The following FHOD3 variants were observed in gnomAD, a reference collection of about 807,000 sequenced individuals.
FHOD3 encodes the protein FH1/FH2 domain-containing protein 3.
A neutral mutation model predicts 173.0 loss-of-function variants in FHOD3; 90 were observed. The ratio of observed to expected loss-of-function variants is 0.52; its 90% CI spans 0.44 to 0.62. The LOEUF (loss-of-function observed/expected upper bound fraction) is 0.62. Ranked by LOEUF, FHOD3 falls within the 20% of genes least tolerant of loss-of-function variation. The probability of loss-of-function intolerance (pLI) is 0.00; values close to 1 mark genes in which losing one functional copy is unlikely to be tolerated. For synonymous variants in FHOD3, 828 were observed against 823.0 expected (o/e 1.01, Z -0.10); for missense variants, 1,945 against 2,034.7 (o/e 0.96, Z 0.85).
chr18:36,649,211 T>G, intron 10 of FHOD3, 105 bp from the exon 11 acceptor site: 10 of 662,284 alleles, frequency 1.5e-5, no homozygotes, highest in Non-Finnish European at 2.0e-5. Flanking sequence ...TATTTCGTTG[T>G]TGTTGTTGTT....
chr18:36,643,578 T>C lies in FHOD3; in HGVS notation c.1197-5738T>C, dbSNP rs533202168. On this transcript the variant is annotated intron_variant, in intron 10 of 28. Transcript: ENST00000590592. ...AACCTATATATCCTCGTATCAACAA[T>C]ATATGAATTAGTTGACTTGCATTCT... is the stretch of plus-strand genomic sequence containing the variant. Among the ~76,000 whole-genome samples, 16 of 152,348 alleles carry C rather than the reference T, an allele frequency of 1.1e-4. No homozygotes were observed. In the East Asian group the frequency reaches 2.5e-3, roughly 24 times the overall value.
At position 36,413,607 on chromosome 18, in the gene FHOD3, C is replaced by T. The variant is rs772458583; in HGVS notation, c.337+40863C>T. ...CTATTTATCAAGCACAGCTGCACCC[C>T]TCATGTTAGGCAGCCTGGATTTATG... On this transcript the variant is annotated intron_variant, in intron 3 of 28. Transcript: ENST00000590592. Among the ~76,000 whole-genome samples, 4 of 152,282 alleles carry T rather than the reference C, an allele frequency of 2.6e-5. No homozygotes were observed. In the South Asian group the frequency reaches 8.3e-4, roughly 32 times the overall value.
At position 36,389,920 on chromosome 18, in the gene FHOD3, C is replaced by T. The variant is rs575385328; in HGVS notation, c.337+17176C>T. The stretch of plus-strand genomic sequence containing the variant: ...CAAGGTCACCTGCCCCTGTGGTAGG[C>T]CAGTGGCCATTCTTAGAACTGCCTG... On this transcript the variant is annotated intron_variant, in intron 3 of 28. Coordinates refer to ENST00000590592, the MANE Select transcript of FHOD3 (RefSeq NM_001281740.3). Among the ~76,000 whole-genome samples, 35 of 152,298 alleles carry T rather than the reference C, an allele frequency of 2.3e-4. No homozygotes were observed. The South Asian group carries it at 5.8e-3, about 25-fold the overall frequency.
chr18:36,530,165 C>T (rs2146829307), intron 5 of FHOD3, among the ~76,000 whole-genome samples: 1 of 152,318 alleles, frequency 6.6e-6, no homozygotes, highest in South Asian at 2.1e-4. Context: ...ACATATCAGA[C>T]TTAGAAAACG....
chr18:36,638,475 A>G (rs1028577438), intron 10 of FHOD3, among the ~76,000 whole-genome samples: 3 of 152,164 alleles, frequency 2.0e-5, no homozygotes, highest in African/African-American at 7.2e-5. Flanking sequence ...TCAGTTGTGC[A>G]CATTTGAAAA....
chr18:36,742,476 G>A (rs919873770), intron 21 of FHOD3, among the ~76,000 whole-genome samples: 3 of 152,130 alleles, frequency 2.0e-5, no homozygotes, highest in Admixed American at 6.5e-5. Flanking sequence ...AGAGTAAGAG[G>A]AGGGCATTCC....
intron 1 of FHOD3, among the ~76,000 whole-genome samples, chr18:36,355,287 G>A (rs1164154292): frequency 1.3e-5 from 2 of 152,070 alleles, no homozygotes; most frequent in East Asian, 3.9e-4. Flanking sequence ...GTGCCCAAAG[G>A]GCTCCTTCAG....
chr18:36,605,361 T>C (rs889984039), intron 8 of FHOD3, among the ~76,000 whole-genome samples: 2 of 152,222 alleles, frequency 1.3e-5, no homozygotes, highest in Non-Finnish European at 2.9e-5. Flanking sequence ...TTGTTGCTAA[T>C]CACTGGCAGA....
chr18:36,562,317 A>G (rs1461226014), intron 5 of FHOD3, among the ~76,000 whole-genome samples: 2 of 152,160 alleles, frequency 1.3e-5, no homozygotes, highest in Admixed American at 1.3e-4. Flanking sequence ...GCACCCGGCC[A>G]TGACAACTAC....
chr18:36,380,578 T>TTTTCCTTTCCTTTCCTTTCCTTTCC lies in FHOD3; in HGVS notation c.337+7874_337+7898dup, dbSNP rs71381571. On this transcript the variant is annotated intron_variant, in intron 3 of 28. Coordinates refer to ENST00000590592, the MANE Select transcript of FHOD3 (RefSeq NM_001281740.3). ...TTTTCTTTTCTTTTCTTTTCTTTTC[T>TTTTCCTTTCCTTTCCTTTCCTTTCC]TTTCCTTTCCTTTCCTTTCCTTTCC... Among the ~76,000 whole-genome samples the TTTTCCTTTCCTTTCCTTTCCTTTCC allele has an allele frequency of 6.7e-4, 35 of 52,448 alleles. 1 individual carries two copies. The highest frequency in any genetic ancestry group is 1.8e-3 in the African/African-American group (22 of 12,300). The allele number at this position is 52,448 out of a possible 152,430, so 34.4% of individuals were successfully genotyped here.
At chr18:36,550,745 T>C (rs1255377877) in intron 5 of FHOD3, among the ~76,000 whole-genome samples, 2 of 152,200 alleles carry the variant, frequency 1.3e-5, no homozygotes, top group Non-Finnish European at 2.9e-5. Context: ...TTTTTAGACA[T>C]ACAACTTAAT....
At chr18:36,471,957 G>A (rs2053310787) in intron 3 of FHOD3, among the ~76,000 whole-genome samples, 1 of 152,122 alleles carries the variant, frequency 6.6e-6, no homozygotes. Context: ...AGAACCAATT[G>A]TTATTTCCAA....
intron 3 of FHOD3, among the ~76,000 whole-genome samples, chr18:36,404,629 G>A (rs2048974527): frequency 6.6e-6 from 1 of 152,130 alleles, no homozygotes; most frequent in Admixed American, 6.5e-5. Flanking sequence ...CTGAATTTCT[G>A]ACAAGCCCCT....
Position 36,439,098 on chromosome 18 carries a change from A to G in FHOD3, c.338-62834A>G, listed in dbSNP as rs77196537. On this transcript the variant is annotated intron_variant, in intron 3 of 28. Coordinates refer to ENST00000590592, the MANE Select transcript of FHOD3 (RefSeq NM_001281740.3). Reference sequence around the variant, plus strand: ...GCTAGCAGGAGATGCTAAATGGGAAAAAAAACAGTACAGCATCTTATTACT... The same window carrying G: ...GCTAGCAGGAGATGCTAAATGGGAAGAAAAACAGTACAGCATCTTATTACT... Among the ~76,000 whole-genome samples the G allele has an allele frequency of 8.5e-3, 1,288 of 152,306 alleles. 11 individuals are homozygous for G. The highest frequency in any genetic ancestry group is 0.029 in the African/African-American group (1,192 of 41,528).
At chr18:36,629,484 C>A (rs894784061) in intron 10 of FHOD3, among the ~76,000 whole-genome samples, 1 of 152,136 alleles carries the variant, frequency 6.6e-6, no homozygotes, top group Non-Finnish European at 1.5e-5. Context: ...AGTTTGCCAA[C>A]CCCTGTCCCA....
At chr18:36,514,164 AT>A (rs1369551719) in intron 5 of FHOD3, among the ~76,000 whole-genome samples, 15 of 151,644 alleles carry the variant, frequency 9.9e-5, no homozygotes, top group Non-Finnish European at 1.9e-4. Context: ...ACCCGCCACC[AT>A]GCCCAGCTAA....
intron 11 of FHOD3, among the ~76,000 whole-genome samples, chr18:36,650,125 C>A (rs1243286906): frequency 6.6e-6 from 1 of 152,108 alleles, no homozygotes; most frequent in Non-Finnish European, 1.5e-5. Flanking sequence ...TGGGTAGTTT[C>A]ATTTTCCAGT....
chr18:36,694,006 TCTTCA>T (rs1381171649), intron 17 of FHOD3, among the ~76,000 whole-genome samples: 1 of 152,182 alleles, frequency 6.6e-6, no homozygotes, highest in Admixed American at 6.6e-5. Context: ...TATTCTGTCT[TCTTCA>T]CTTTATTTGG....
chr18:36,327,391 G>A (rs2044726927), intron 1 of FHOD3, among the ~76,000 whole-genome samples: 1 of 152,216 alleles, frequency 6.6e-6, no homozygotes, highest in Admixed American at 6.5e-5. Flanking sequence ...CAAATGTGCG[G>A]CTTTTGCCGT....
Sources: gnomAD v4.1 joint callset for allele counts (sites outside exome capture counted in the v4.1 genomes callset) on GRCh38, gnomAD v4.1.1 for gene constraint, MANE v1.5 for transcripts, NCBI Gene and HGNC (gene_info 2026-07-23, HGNC 2026-07-21) for gene names.